Variants in TMEM117 observed in about 807,000 individuals in gnomAD.
TMEM117 encodes transmembrane protein 117.
A neutral mutation model predicts 52.4 loss-of-function variants in TMEM117; 27 were observed. The ratio of observed to expected loss-of-function variants is 0.51; its 90% CI spans 0.38 to 0.71. The LOEUF (loss-of-function observed/expected upper bound fraction) is 0.71, where lower values mean the gene tolerates loss of function less well. TMEM117 is among the 30% of genes least tolerant of loss of function. TMEM117 has a pLI of 0.00. For missense variants in TMEM117, 556 were observed against 630.5 expected, an observed-to-expected ratio of 0.88 and a Z score of 1.26; for synonymous variants, 215 against 206.3, an observed-to-expected ratio of 1.04 and a Z score of -0.36.
intron 5 of TMEM117, among the ~76,000 whole-genome samples, chr12:44,295,141 C>A (rs762181796): frequency 6.6e-6 from 1 of 151,930 alleles, no homozygotes; most frequent in Non-Finnish European, 1.5e-5. Flanking sequence ...TTTCATAAAT[C>A]GCGTATTTAT....
chr12:44,267,446 A>G (rs1950392524), intron 5 of TMEM117, among the ~76,000 whole-genome samples: 1 of 152,196 alleles, frequency 6.6e-6, no homozygotes, highest in African/African-American at 2.4e-5. Context: ...CTGTGAAACC[A>G]TCAACCACAA....
intron 5 of TMEM117, among the ~76,000 whole-genome samples, chr12:44,286,208 T>C (rs187952823): frequency 6.6e-4 from 101 of 151,902 alleles, no homozygotes; most frequent in African/African-American, 2.3e-3. Context: ...GATTTTATAA[T>C]AACTGTGCAG....
At chr12:43,966,279 C>T (rs1346338082) in intron 3 of TMEM117, among the ~76,000 whole-genome samples, 2 of 152,104 alleles carry the variant, frequency 1.3e-5, no homozygotes, top group African/African-American at 4.8e-5. Flanking sequence ...GAGGTGCTTC[C>T]TCTGTTCCAC....
rs149976837 is a variant in TMEM117, at chr12:44,388,676, C to T, written c.*4C>T. 1.8e-4 allele frequency: 283 copies of T among 1,610,850 alleles called. 3 individuals are homozygous for T. In the African/African-American group the frequency reaches 3.5e-3, roughly 20 times the overall value. On this transcript the variant is annotated 3_prime_UTR_variant, in exon 8 of 8. Coordinates refer to ENST00000266534, the MANE Select transcript of TMEM117 (RefSeq NM_032256.3). The stretch of plus-strand genomic sequence containing the variant: ...TAAAAGTACACCTACGAACTAGACT[C>T]GGAGATAGACTTGGAGATAACACAA...
intron 3 of TMEM117, among the ~76,000 whole-genome samples, chr12:44,046,767 ATCT>A (rs1218013564): frequency 1.3e-5 from 2 of 152,196 alleles, no homozygotes; most frequent in Admixed American, 6.5e-5. Flanking sequence ...CTAAGAAAAT[ATCT>A]TCATTTTATT....
At chr12:44,037,940 CT>C (rs1415351534) in intron 3 of TMEM117, among the ~76,000 whole-genome samples, 1 of 152,078 alleles carries the variant, frequency 6.6e-6, no homozygotes, top group Non-Finnish European at 1.5e-5. Flanking sequence ...GAGCTACCCC[CT>C]GGGGGTCTCC....
chr12:44,259,557 C>A (rs191890572), intron 5 of TMEM117, among the ~76,000 whole-genome samples: 1 of 151,900 alleles, frequency 6.6e-6, no homozygotes, highest in African/African-American at 2.4e-5. Flanking sequence ...ATGGTCATTA[C>A]GATAATTGTC....
intron 5 of TMEM117, among the ~76,000 whole-genome samples, chr12:44,284,334 G>A (rs918578572): frequency 6.6e-6 from 1 of 151,868 alleles, no homozygotes; most frequent in Admixed American, 6.6e-5. Flanking sequence ...CAAAAAAAGT[G>A]ACTTTCACCT....
At chr12:44,076,001 A>G (rs1172539020) in intron 3 of TMEM117, among the ~76,000 whole-genome samples, 1 of 152,188 alleles carries the variant, frequency 6.6e-6, no homozygotes, top group East Asian at 1.9e-4. Flanking sequence ...AAAGTTCCCT[A>G]TTAGGTTTTT....
intron 4 of TMEM117, among the ~76,000 whole-genome samples, chr12:44,144,406 T>C (rs1321903973): frequency 1.3e-5 from 2 of 152,246 alleles, no homozygotes; most frequent in African/African-American, 4.8e-5. Flanking sequence ...CAGTTGATTC[T>C]AATTACCTTT....
At chr12:43,912,671 A>G (rs1027674626) in intron 2 of TMEM117, among the ~76,000 whole-genome samples, 2 of 151,812 alleles carry the variant, frequency 1.3e-5, no homozygotes, top group African/African-American at 2.4e-5. Flanking sequence ...AATAATGGAA[A>G]TATGTCTTTT....
At chr12:43,812,062 A>T in the TMEM117 span, among the ~76,000 whole-genome samples, 2 of 152,216 alleles carry the variant, frequency 1.3e-5, no homozygotes, top group African/African-American at 4.8e-5. Context: ...TAAAAATCCA[A>T]AAAGTATTCA....
At chr12:43,993,069 T>G (rs1431855020) in intron 3 of TMEM117, among the ~76,000 whole-genome samples, 1 of 152,162 alleles carries the variant, frequency 6.6e-6, no homozygotes, top group Non-Finnish European at 1.5e-5. Context: ...GACACTGCCT[T>G]GATTATGTAG....
At chr12:44,397,676 CT>C in the TMEM117 span, among the ~76,000 whole-genome samples, 2 of 152,276 alleles carry the variant, frequency 1.3e-5, no homozygotes, top group East Asian at 3.9e-4. Flanking sequence ...TAATCAATTG[CT>C]TTGAGTCAAT....
intron 7 of TMEM117, among the ~76,000 whole-genome samples, chr12:44,382,514 T>C (rs1190200885): frequency 6.6e-6 from 1 of 152,224 alleles, no homozygotes; most frequent in Non-Finnish European, 1.5e-5. Flanking sequence ...TCTGAGTTAA[T>C]ATGTGTCAAA....
intron 3 of TMEM117, among the ~76,000 whole-genome samples, chr12:44,079,619 T>G (rs972156847): frequency 6.6e-6 from 1 of 152,196 alleles, no homozygotes; most frequent in African/African-American, 2.4e-5. Flanking sequence ...TCTCAAGATA[T>G]TTTAGATAAG....
intron 2 of TMEM117, among the ~76,000 whole-genome samples, chr12:43,858,194 G>A (rs779435307): frequency 5.3e-5 from 8 of 152,220 alleles, no homozygotes; most frequent in Admixed American, 1.3e-4. Context: ...GAAATGTACA[G>A]GGTTGATCTG....
chr12:43,951,966 G>T (rs1288846172), intron 3 of TMEM117, among the ~76,000 whole-genome samples: 2 of 152,198 alleles, frequency 1.3e-5, no homozygotes, highest in East Asian at 3.9e-4. Context: ...TTGCTGTTCT[G>T]CAGCCTCCAC....
chr12:43,877,086 C>T lies in TMEM117; in HGVS notation c.277+32158C>T, dbSNP rs574136131. ...TTGAATTTGGGGTGTTTTCTATTTT[C>T]CTCTTTTATAAACAGAGCTTCAAAG... is the stretch of plus-strand genomic sequence containing the variant. On this transcript the variant is annotated intron_variant, in intron 2 of 7. Transcript: ENST00000266534. Among the ~76,000 whole-genome samples, 8 of 152,060 alleles carry T rather than the reference C, an allele frequency of 5.3e-5. No individual in the cohort carries two copies. In the East Asian group the frequency reaches 1.4e-3, roughly 26 times the overall value.
Sources: allele counts gnomAD v4.1 joint callset (sites outside exome capture counted in the v4.1 genomes callset), GRCh38; gene constraint gnomAD v4.1.1; transcripts MANE v1.5; gene names NCBI Gene and HGNC (gene_info 2026-07-23, HGNC 2026-07-21).